COL22A1: variants seen among roughly 807,000 people sequenced by gnomAD.
COL22A1 encodes the protein collagen alpha-1(XXII) chain.
COL22A1 carries 221 observed loss-of-function variants against 248.9 expected under a neutral mutation model. That is an observed-to-expected ratio of 0.89 (90% confidence interval 0.80 to 0.99). The LOEUF (loss-of-function observed/expected upper bound fraction) is 0.99, where lower values mean the gene tolerates loss of function less well. Ranked by LOEUF, COL22A1 falls within the 50% of genes least tolerant of loss-of-function variation. The pLI is 0.00. For synonymous variants in COL22A1, 891 were observed against 793.4 expected (o/e 1.12, Z -2.07); for missense variants, 2,240 against 2,179.0 (o/e 1.03, Z -0.56).
At chr8:138,592,496 T>G (rs1817160258) in intron 63 of COL22A1, among the ~76,000 whole-genome samples, 1 of 152,226 alleles carries the variant, frequency 6.6e-6, no homozygotes, top group Non-Finnish European at 1.5e-5. Context: ...TGACATTTAT[T>G]TTATATATTT....
intron 30 of COL22A1, among the ~76,000 whole-genome samples, chr8:138,710,159 G>A (rs919475228): frequency 6.6e-6 from 1 of 152,212 alleles, no homozygotes; most frequent in Non-Finnish European, 1.5e-5. Context: ...ACAGCTCACA[G>A]CATGGCACAG....
chr8:138,647,338 G>A (rs773634603), intron 46 of COL22A1, among the ~76,000 whole-genome samples: 14 of 152,122 alleles, frequency 9.2e-5, no homozygotes, highest in East Asian at 5.8e-4. Flanking sequence ...ACAACCCAGC[G>A]AAACCACTTC....
intron 47 of COL22A1, among the ~76,000 whole-genome samples, chr8:138,644,901 G>A (rs1441204238): frequency 2.0e-5 from 3 of 152,090 alleles, no homozygotes; most frequent in Non-Finnish European, 2.9e-5. Flanking sequence ...CGGACGGCCC[G>A]CAAGTGCAAT....
intron 27 of COL22A1, among the ~76,000 whole-genome samples, chr8:138,717,164 T>C (rs1284082938): frequency 3.9e-5 from 6 of 152,192 alleles, no homozygotes; most frequent in Non-Finnish European, 7.3e-5. Context: ...TTTATTTTTT[T>C]TGAGACGGAG....
intron 11 of COL22A1, among the ~76,000 whole-genome samples, chr8:138,799,014 G>A (rs1816783796): frequency 6.6e-6 from 1 of 152,060 alleles, no homozygotes; most frequent in South Asian, 2.1e-4. Context: ...CCAATAATCT[G>A]TCTATTTTTC....
chr8:138,766,884 G>C (rs1226910610), intron 16 of COL22A1, among the ~76,000 whole-genome samples: 1 of 152,214 alleles, frequency 6.6e-6, no homozygotes, highest in Non-Finnish European at 1.5e-5. Flanking sequence ...TGCTGCTGTT[G>C]ATTGGGTTTG....
chr8:138,603,853 T>C (rs1818226736), intron 59 of COL22A1, among the ~76,000 whole-genome samples: 1 of 152,168 alleles, frequency 6.6e-6, no homozygotes, highest in South Asian at 2.1e-4. Flanking sequence ...GTCTTCCTCA[T>C]TCAAGGGGGA....
In COL22A1 at chr8:138,693,690, C is replaced by A; in HGVS notation, c.2710G>T (p.Gly904Ter). 6.3e-7 allele frequency: 1 copy of A among 1,576,126 alleles called. No individual in the cohort carries two copies. Among genetic ancestry groups the A allele is most frequent in the East Asian group, 2.4e-5 (1 of 42,468 alleles). Residue 904 changes from glycine (G) to a stop codon, truncating the protein, a stop_gained, in exon 35 of 65, where the codon GGA (glycine) becomes TGA (stop). Transcript: ENST00000303045. LOFTEE classifies it high-confidence loss of function. ...QGPTGPPGAK[G>*]QEGAHGAPGA... ...GGAGCCCCATGTGCACCTTCCTGTC[C>A]CTTGGCACCCTGCACAGGAAATAAA...
At chr8:138,903,709 G>C (rs1255629862) in intron 1 of COL22A1, among the ~76,000 whole-genome samples, 3 of 152,192 alleles carry the variant, frequency 2.0e-5, no homozygotes, top group African/African-American at 7.2e-5. Context: ...CCTACTATCA[G>C]TTGATGGGGT....
chr8:138,910,592 T>C (rs986804891), intron 1 of COL22A1, among the ~76,000 whole-genome samples: 2 of 152,150 alleles, frequency 1.3e-5, no homozygotes, highest in Non-Finnish European at 2.9e-5. Context: ...GTTATCTTTA[T>C]CTGGTAACCT....
chr8:138,699,810 C>T (rs1167360410), intron 32 of COL22A1, among the ~76,000 whole-genome samples: 1 of 152,256 alleles, frequency 6.6e-6, no homozygotes, highest in African/African-American at 2.4e-5. Flanking sequence ...CTCCTCAAAA[C>T]CACCAGCTAC....
chr8:138,850,776 G>C (rs1178241355), intron 3 of COL22A1, among the ~76,000 whole-genome samples: 15 of 152,224 alleles, frequency 9.9e-5, no homozygotes, highest in Admixed American at 9.8e-4. Flanking sequence ...TGCCCCCTGT[G>C]TGTCTGTTTC....
chr8:138,649,228 T>C (rs1187207900), intron 46 of COL22A1, among the ~76,000 whole-genome samples: 2 of 152,276 alleles, frequency 1.3e-5, no homozygotes, highest in South Asian at 2.1e-4. Flanking sequence ...ACACATGTAA[T>C]GGGGTGTCAT....
intron 30 of COL22A1, among the ~76,000 whole-genome samples, chr8:138,710,589 A>C (rs1729712676): frequency 7.8e-6 from 1 of 128,440 alleles, no homozygotes; most frequent in Non-Finnish European, 1.8e-5. Context: ...AATGCCCATA[A>C]TCTATCTATC....
chr8:138,600,711 A>T (rs1817926552), intron 60 of COL22A1, among the ~76,000 whole-genome samples: 1 of 152,202 alleles, frequency 6.6e-6, no homozygotes, highest in South Asian at 2.1e-4. Flanking sequence ...TTTCAACAAT[A>T]ACCCAAAATC....
chr8:138,749,247 C>A (rs1442996840), intron 22 of COL22A1, among the ~76,000 whole-genome samples: 2 of 152,160 alleles, frequency 1.3e-5, no homozygotes, highest in Non-Finnish European at 2.9e-5. Context: ...ATGTCTTTAT[C>A]AGCAGCATGA....
intron 26 of COL22A1, among the ~76,000 whole-genome samples, chr8:138,721,029 G>A (rs1347814879): frequency 6.6e-6 from 1 of 152,110 alleles, no homozygotes; most frequent in Non-Finnish European, 1.5e-5. Flanking sequence ...AGGAGAATTG[G>A]CATTCTCTCT....
intron 47 of COL22A1, among the ~76,000 whole-genome samples, chr8:138,644,358 C>T (rs1162526922): frequency 6.6e-6 from 1 of 151,888 alleles, no homozygotes; most frequent in African/African-American, 2.4e-5. Context: ...AAATTTTATT[C>T]CCAAATCCTC....
At chr8:138,683,681 G>C (rs1481702294) in intron 39 of COL22A1, among the ~76,000 whole-genome samples, 1 of 152,140 alleles carries the variant, frequency 6.6e-6, no homozygotes, top group Non-Finnish European at 1.5e-5. Flanking sequence ...GGATGGAAGA[G>C]CCATGGGATT....
Sources: gnomAD v4.1 joint callset for allele counts (sites outside exome capture counted in the v4.1 genomes callset) on GRCh38, gnomAD v4.1.1 for gene constraint, MANE v1.5 for transcripts, NCBI Gene and HGNC (gene_info 2026-07-23, HGNC 2026-07-21) for gene names.